The following RTN1 variants were observed in gnomAD, a reference collection of about 807,000 sequenced individuals.
RTN1 encodes reticulon 1, also known as reticulon-1.
Under a neutral mutation model 65.5 loss-of-function variants are expected in RTN1, and 25 were observed. That is an observed-to-expected ratio of 0.38 (90% CI 0.28 to 0.53). The LOEUF is 0.53. RTN1 is among the 20% of genes least tolerant of loss of function. The pLI is 0.79. For missense variants in RTN1, 983 were observed against 1,025.4 expected (o/e 0.96, Z 0.57); for synonymous variants, 471 against 447.6 (o/e 1.05, Z -0.66).
chr14:59,765,905 A>G lies in RTN1; in HGVS notation c.242-19424T>C, dbSNP rs1358883960. On this transcript the variant is annotated intron_variant, in intron 1 of 8. Coordinates refer to ENST00000267484, the MANE Select transcript of RTN1 (RefSeq NM_021136.3). ...GACTGAATGAACAGATTGGGCCACA[A>G]ACAAAAGTCAGTTGCATTTGATGCT... Among the ~76,000 whole-genome samples, 6 of 152,188 alleles carry G rather than the reference A, an allele frequency of 3.9e-5. No homozygotes were observed. The East Asian group carries it at 1.2e-3, about 29-fold the overall frequency.
At chr14:59,813,352 C>T (rs1886763170) in intron 1 of RTN1, among the ~76,000 whole-genome samples, 1 of 152,122 alleles carries the variant, frequency 6.6e-6, no homozygotes, top group Non-Finnish European at 1.5e-5. Context: ...GTATTAAAAG[C>T]ATCACTCCCA....
intron 3 of RTN1, among the ~76,000 whole-genome samples, chr14:59,652,787 C>T (rs780781247): frequency 6.6e-6 from 1 of 151,972 alleles, no homozygotes; most frequent in African/African-American, 2.4e-5. Flanking sequence ...CAAACCTGCA[C>T]ATGTACCCCC....
At chr14:59,831,649 A>T (rs1478914884) in intron 1 of RTN1, among the ~76,000 whole-genome samples, 1 of 152,166 alleles carries the variant, frequency 6.6e-6, no homozygotes, top group African/African-American at 2.4e-5. Context: ...AAAATACTTT[A>T]AGAAAAAAGA....
intron 3 of RTN1, among the ~76,000 whole-genome samples, chr14:59,666,296 C>T (rs1420828867): frequency 6.6e-6 from 1 of 152,146 alleles, no homozygotes; most frequent in East Asian, 1.9e-4. Flanking sequence ...TCACTCAAAA[C>T]CACACAACTA....
At position 59,727,356 on chromosome 14, in the gene RTN1, G is replaced by A. The variant is rs1566701048; in HGVS notation, c.1328C>T (p.Ser443Leu). 6.6e-7 allele frequency: 1 copy of A among 1,508,920 alleles called. No individual in the cohort carries two copies. The highest frequency in any genetic ancestry group is 1.4e-5 in the African/African-American group (1 of 72,370). 93.5% of individuals were successfully genotyped at this position (1,508,920 alleles called of 1,614,324 possible). A position where few individuals can be genotyped will look rare whatever the true frequency, so the allele number is the denominator to read the frequency against. Residue 443 changes from serine (S) to leucine (L), a missense_variant, in exon 3 of 9, where the codon TCG becomes TTG. Ser to Leu is a moderately radical substitution (Grantham distance 145, BLOSUM62 -2). This residue lies in a region of RTN1 where 818 missense variants were observed against 801.8 expected (regional missense o/e 1.02). Transcript: ENST00000267484. This position sits in a 1 kb window ranked among gnomAD's most constrained non-coding sequence, Gnocchi z 4.2. ...SFGHVGGPPPSPASPSIQYSI... is the reference protein window; with the variant it reads ...SFGHVGGPPPLPASPSIQYSI... ...GTACTGGATGGATGGCGAGGCGGGC[G>A]AGGGCGGCGGGCCGCCCACGTGGCC...
At chr14:59,653,146 CAG>C (rs1883053173) in intron 3 of RTN1, among the ~76,000 whole-genome samples, 1 of 151,934 alleles carries the variant, frequency 6.6e-6, no homozygotes, top group Non-Finnish European at 1.5e-5. Context: ...AAATAAAAGA[CAG>C]AAATTTGGAA....
intron 3 of RTN1, among the ~76,000 whole-genome samples, chr14:59,702,684 C>T (rs779649351): frequency 7.7e-4 from 118 of 152,310 alleles, no homozygotes; most frequent in Non-Finnish European, 1.6e-3. Context: ...ATCTCCCACT[C>T]GGGTTCCTGA....
chr14:59,641,878 TTG>T (rs1882788902), intron 3 of RTN1, among the ~76,000 whole-genome samples: 1 of 152,224 alleles, frequency 6.6e-6, no homozygotes, highest in South Asian at 2.1e-4. Context: ...CAGTTTTTTG[TTG>T]TAAAAAAATT....
chr14:59,827,931 G>T (rs1169912751), intron 1 of RTN1, among the ~76,000 whole-genome samples: 2 of 152,200 alleles, frequency 1.3e-5, no homozygotes, highest in Admixed American at 1.3e-4. Context: ...ACTCATCTTT[G>T]GTATCTAATT....
rs553621114 is a variant in RTN1 at position 59,745,629 on chromosome 14, C to T, written c.1015+79G>A. On this transcript the variant is annotated intron_variant, in intron 2 of 8. Transcript: ENST00000267484. ...GTAAAGTATGTTGAATGAAAATTGT[C>T]ATTCCTTAATATTTGTTTTAGGGAT... 44 of 1,250,426 alleles carry T rather than the reference C, an allele frequency of 3.5e-5. No individual in the cohort carries two copies. The South Asian group carries it at 5.9e-4, about 17-fold the overall frequency. 77.5% of individuals were successfully genotyped at this position (1,250,426 alleles called of 1,614,324 possible). A position where few individuals can be genotyped will look rare whatever the true frequency, so the allele number is the denominator to read the frequency against.
intron 3 of RTN1, among the ~76,000 whole-genome samples, chr14:59,635,177 C>T (rs780363797): frequency 6.6e-6 from 1 of 152,116 alleles, no homozygotes; most frequent in East Asian, 1.9e-4. Flanking sequence ...AAATCAAAGG[C>T]AGATTACCTC....
chr14:59,723,381 T>C (rs1884687948), intron 3 of RTN1, among the ~76,000 whole-genome samples: 1 of 151,080 alleles, frequency 6.6e-6, no homozygotes, highest in Non-Finnish European at 1.5e-5. Context: ...CCAAGGTGGG[T>C]GGATCACAAG....
chr14:59,738,090 C>T (rs949154032), intron 2 of RTN1, among the ~76,000 whole-genome samples: 42 of 152,182 alleles, frequency 2.8e-4, no homozygotes, highest in Non-Finnish European at 5.9e-5. Flanking sequence ...CCATTCAGGA[C>T]ATAGGCATGG....
At position 59,727,424 on chromosome 14, in the gene RTN1, G is replaced by A. The variant is rs772834842; in HGVS notation, c.1260C>T (p.Pro420=). The A allele has an allele frequency of 1.0e-5, 16 of 1,552,310 alleles. No homozygotes were observed. The highest frequency in any genetic ancestry group is 1.1e-5 in the Non-Finnish European group (13 of 1,148,934). The change falls in exon 3 of 9, where the codon CCC becomes CCT. Residue 420 remains proline (P), a synonymous_variant. Coordinates refer to ENST00000267484, the MANE Select transcript of RTN1 (RefSeq NM_021136.3). This position sits in a 1 kb window ranked among gnomAD's most constrained non-coding sequence, Gnocchi z 4.2. ...DSEIELVSED[P]MAAEDALPSG... ...AGGGCAGCGCGTCCTCCGCGGCCAT[G>A]GGGTCCTCGGACACCAGCTCGATCT...
At chr14:59,833,993 A>G (rs1887171112) in intron 1 of RTN1, among the ~76,000 whole-genome samples, 1 of 152,198 alleles carries the variant, frequency 6.6e-6, no homozygotes. Context: ...AGTTCTCAAG[A>G]GCATATGGTG....
At chr14:59,736,325 A>T (rs1256637388) in intron 2 of RTN1, among the ~76,000 whole-genome samples, 1 of 152,204 alleles carries the variant, frequency 6.6e-6, no homozygotes, top group Non-Finnish European at 1.5e-5. Flanking sequence ...AAACACAATC[A>T]GAAATGATAA....
At position 59,672,638 on chromosome 14, in the gene RTN1, T is replaced by TTG. The variant is rs1217960778; in HGVS notation, c.1765+54280_1765+54281insCA. On this transcript the variant is annotated intron_variant, in intron 3 of 8. Transcript: ENST00000267484. ...TACAAGATATTTCTTTTTTTTTTTTTTTTTTTTTTTTTTGAGACGGAGTCT... is the reference window on the plus strand; with the variant it reads ...TACAAGATATTTCTTTTTTTTTTTTTTGTTTTTTTTTTTTTGAGACGGAGTCT... 2.3e-5 allele frequency among the ~76,000 whole-genome samples: 3 copies of TTG among 132,856 alleles called. No individual in the cohort carries two copies. In the East Asian group the frequency reaches 6.4e-4, roughly 28 times the overall value. The allele number at this position is 132,856 out of a possible 152,430, so 87.2% of individuals were successfully genotyped here.
At chr14:59,796,002 A>C (rs80341680) in intron 1 of RTN1, among the ~76,000 whole-genome samples, 1,914 of 152,244 alleles carry the variant, frequency 0.013, 38 homozygotes, top group African/African-American at 0.043. Context: ...GGTACTAGGG[A>C]AGATAAAAAA....
chr14:59,828,528 G>A (rs1489714324), intron 1 of RTN1, among the ~76,000 whole-genome samples: 1 of 152,168 alleles, frequency 6.6e-6, no homozygotes, highest in Admixed American at 6.5e-5. Context: ...GTATTATGGG[G>A]CCCAGAGGGA....
Sources: allele counts gnomAD v4.1 joint callset (sites outside exome capture counted in the v4.1 genomes callset), GRCh38; gene constraint gnomAD v4.1.1; regional missense constraint gnomAD v4.1.1; non-coding constraint Gnocchi (gnomAD v3.1); transcripts MANE v1.5; gene names NCBI Gene and HGNC (gene_info 2026-07-23, HGNC 2026-07-21).